EPB41L4B: variants seen among roughly 807,000 people sequenced by gnomAD.
EPB41L4B encodes the protein erythrocyte membrane protein band 4.1 like 4B, also known as band 4.1-like protein 4B.
In EPB41L4B, 30 loss-of-function variants were observed where a neutral mutation model predicts 112.5. The observed-to-expected ratio is 0.27, with a 90% CI of 0.20 to 0.36. The LOEUF (loss-of-function observed/expected upper bound fraction) is 0.36, where lower values mean the gene tolerates loss of function less well. Ranked by LOEUF, EPB41L4B falls within the 10% of genes least tolerant of loss-of-function variation. The pLI, the probability that EPB41L4B is intolerant of heterozygous loss-of-function variation, is 1.00. For synonymous variants in EPB41L4B, 408 were observed against 439.7 expected (o/e 0.93, Z 0.90); for missense variants, 1,024 against 1,133.3 (o/e 0.90, Z 1.38).
Position 109,179,143 on chromosome 9 carries a change from T to G in EPB41L4B, c.2488-2447A>C, listed in dbSNP as rs149270063. On this transcript the variant is annotated intron_variant, in intron 24 of 25. Coordinates refer to ENST00000374566, the MANE Select transcript of EPB41L4B (RefSeq NM_019114.5). ...CAGAGCCAGGCAGGGCTCCCCACCC[T>G]AGATGGACCAACATACTCGGCTGAG... Among the ~76,000 whole-genome samples, 327 of 152,326 alleles carry G rather than the reference T, an allele frequency of 2.1e-3. 1 individual carries two copies. Among genetic ancestry groups the G allele is most frequent in the African/African-American group, 7.4e-3 (307 of 41,574 alleles).
At chr9:109,274,838 T>C (rs1375302236) in intron 2 of EPB41L4B, among the ~76,000 whole-genome samples, 1 of 152,212 alleles carries the variant, frequency 6.6e-6, no homozygotes, top group Non-Finnish European at 1.5e-5. Flanking sequence ...TGGCCTACTT[T>C]ATAGATCAGT....
chr9:109,208,505 C>T (rs1465223546), intron 17 of EPB41L4B, among the ~76,000 whole-genome samples: 1 of 152,140 alleles, frequency 6.6e-6, no homozygotes, highest in Admixed American at 6.5e-5. Context: ...TTGTGATTTT[C>T]AACAAGAAAT....
rs373470483 is a variant in EPB41L4B at position 109,255,553 on chromosome 9, T to C, written c.1127A>G (p.Asn376Ser). ...GCCCAGCCTGATAAAGTCGGATCTA[T>C]TGGATTTGCTGTTTCCTGGCGTCCG... ...RLRTPGNSKSNRSDFIRLGSR... is the reference protein window; with the variant it reads ...RLRTPGNSKSSRSDFIRLGSR... Residue 376 changes from asparagine to serine, a missense_variant, in exon 11 of 26, where the codon AAT becomes AGT. Coordinates refer to ENST00000374566, the MANE Select transcript of EPB41L4B (RefSeq NM_019114.5). The C allele has an allele frequency of 3.1e-6, 5 of 1,614,106 alleles. No individual in the cohort carries two copies. In the African/African-American group the frequency reaches 5.3e-5, roughly 17 times the overall value.
chr9:109,298,594 G>A (rs1382126389), intron 1 of EPB41L4B, among the ~76,000 whole-genome samples: 9 of 152,222 alleles, frequency 5.9e-5, no homozygotes, highest in Admixed American at 2.0e-4. Flanking sequence ...TTACAGGCGT[G>A]AGCCACGGCG....
intron 6 of EPB41L4B, among the ~76,000 whole-genome samples, chr9:109,262,442 TGTGTGTGGGG>T (rs1277417980): frequency 1.1e-4 from 4 of 37,706 alleles, no homozygotes; most frequent in South Asian, 1.8e-3. Flanking sequence ...TATTTCTTGG[TGTGTGTGGGG>T]GTGTGTGTGT....
intron 15 of EPB41L4B, among the ~76,000 whole-genome samples, chr9:109,220,659 C>T (rs866025660): frequency 2.0e-5 from 3 of 152,264 alleles, no homozygotes; most frequent in East Asian, 1.9e-4. Flanking sequence ...CACTATTTGT[C>T]CCCTACATTG....
intron 15 of EPB41L4B, among the ~76,000 whole-genome samples, chr9:109,217,430 G>C (rs1169030858): frequency 6.6e-6 from 1 of 152,140 alleles, no homozygotes; most frequent in Non-Finnish European, 1.5e-5. Flanking sequence ...CTCTAAATGA[G>C]AGGAAGAGGT....
At chr9:109,231,568 T>A (rs1277828113) in intron 15 of EPB41L4B, among the ~76,000 whole-genome samples, 4 of 152,334 alleles carry the variant, frequency 2.6e-5, no homozygotes, top group Middle Eastern at 6.8e-3. Flanking sequence ...AACTGCAGAT[T>A]AACATCCCAC....
rs79923169 is a variant in EPB41L4B, at chr9:109,260,719, A to G, written c.631+2331T>C. ...GGTGAGCCATCGCGCCCGGCCAACA[A>G]TTGTATCTTAAAATCACACTGACAT... is the stretch of plus-strand genomic sequence containing the variant. On this transcript the variant is annotated intron_variant, in intron 6 of 25. Coordinates refer to ENST00000374566, the MANE Select transcript of EPB41L4B (RefSeq NM_019114.5). 5.8e-3 allele frequency among the ~76,000 whole-genome samples: 877 copies of G among 152,222 alleles called. 17 individuals carry two copies. The East Asian group carries it at 0.084, about 15-fold the overall frequency.
chr9:109,288,089 A>T (rs1836369090), intron 1 of EPB41L4B, among the ~76,000 whole-genome samples: 1 of 152,258 alleles, frequency 6.6e-6, no homozygotes, highest in Non-Finnish European at 1.5e-5. Flanking sequence ...TGGTACTAAG[A>T]AGTGGGGCCT....
intron 8 of EPB41L4B, 65 bp downstream of exon 8, chr9:109,256,328 G>T: frequency 6.3e-7 from 1 of 1,592,486 alleles, no homozygotes. Context: ...TATTTTGTTT[G>T]CATAATGTTC....
chr9:109,262,930 G>T, intron 6 of EPB41L4B, 120 bp downstream of exon 6: 2 of 679,826 alleles, frequency 2.9e-6, no homozygotes, highest in Non-Finnish European at 5.0e-6. Flanking sequence ...GACAGAGACC[G>T]TGTCATATTC....
intron 14 of EPB41L4B, 67 bp downstream of exon 14, chr9:109,247,689 C>T: frequency 8.6e-7 from 1 of 1,161,842 alleles, no homozygotes; most frequent in East Asian, 2.8e-5. Flanking sequence ...TTTACAAAAA[C>T]CTTTTTTTAA....
chr9:109,254,660 C>A (rs563271564), intron 11 of EPB41L4B, among the ~76,000 whole-genome samples: 1 of 152,140 alleles, frequency 6.6e-6, no homozygotes, highest in South Asian at 2.1e-4. Flanking sequence ...CACATGCATA[C>A]CCACAGATTC....
chr9:109,306,583 A>T (rs1837202322), intron 1 of EPB41L4B, among the ~76,000 whole-genome samples: 1 of 151,186 alleles, frequency 6.6e-6, no homozygotes, highest in South Asian at 2.1e-4. Context: ...ACTGCACTCC[A>T]GCCTGGGCAA....
intron 15 of EPB41L4B, among the ~76,000 whole-genome samples, chr9:109,237,265 G>C (rs554847142): frequency 6.6e-6 from 1 of 152,136 alleles, no homozygotes; most frequent in African/African-American, 2.4e-5. Context: ...TAGGCAAAAG[G>C]GTTTTGAAGA....
In EPB41L4B at chr9:109,208,041, T is replaced by A; in HGVS notation, c.1761A>T (p.Glu587Asp). 6.2e-7 allele frequency: 1 copy of A among 1,614,134 alleles called. No individual in the cohort carries two copies. The highest frequency in any genetic ancestry group is 8.5e-7 in the Non-Finnish European group (1 of 1,180,024). The stretch of plus-strand genomic sequence containing the variant: ...GAAGAGTTTTCTCCGAGACTTTCTT[T>A]TCTTCAGCCTGAGACAAACCAAAAT... ...PLHININKAE[E>D]KKVSEKTLQT... Residue 587 changes from glutamate (E) to aspartate (D), a missense_variant, in exon 18 of 26, where the codon GAA (glutamate) becomes GAT (aspartate). By Grantham distance (45) the Glu-to-Asp change is conservative (BLOSUM62 2). Transcript: ENST00000374566.
chr9:109,244,905 A>G (rs2118978701), intron 14 of EPB41L4B, among the ~76,000 whole-genome samples: 1 of 152,322 alleles, frequency 6.6e-6, no homozygotes, highest in Non-Finnish European at 1.5e-5. Flanking sequence ...TCTCTGGCAC[A>G]GAGAATCTCA....
chr9:109,313,248 G>C (rs754529393), intron 1 of EPB41L4B, among the ~76,000 whole-genome samples: 1 of 152,240 alleles, frequency 6.6e-6, no homozygotes, highest in Non-Finnish European at 1.5e-5. Context: ...GCTTAATGTA[G>C]TGTAAGGGCT....
Sources: gnomAD v4.1 joint callset for allele counts (sites outside exome capture counted in the v4.1 genomes callset) on GRCh38, gnomAD v4.1.1 for gene constraint, MANE v1.5 for transcripts, NCBI Gene and HGNC (gene_info 2026-07-23, HGNC 2026-07-21) for gene names.